SUOX: variants seen among roughly 807,000 people sequenced by gnomAD.
SUOX encodes the protein sulfite oxidase, mitochondrial.
SUOX carries 39 observed loss-of-function variants against 41.9 expected under a neutral mutation model. That is an observed-to-expected ratio of 0.93 (90% CI 0.72 to 1.21). SUOX has a LOEUF of 1.21. SUOX is among the 50% of genes most tolerant of loss of function. The probability of loss-of-function intolerance (pLI) is 0.00; values close to 1 mark genes in which losing one functional copy is unlikely to be tolerated. For synonymous variants in SUOX, 220 were observed against 268.4 expected (o/e 0.82, Z 1.76); for missense variants, 633 against 689.5 (o/e 0.92, Z 0.92).
intron 2 of SUOX, among the ~76,000 whole-genome samples, chr12:55,998,417 C>A (rs975932153): frequency 1.3e-5 from 2 of 151,200 alleles, no homozygotes; most frequent in African/African-American, 2.4e-5. Flanking sequence ...CATGGTGGCA[C>A]ACGCCTGTGG....
chr12:55,999,846 C>T (rs1222461661), intron 2 of SUOX, among the ~76,000 whole-genome samples: 1 of 152,154 alleles, frequency 6.6e-6, no homozygotes, highest in Non-Finnish European at 1.5e-5. Context: ...CACAAAGGTT[C>T]TCCACATCCC....
At position 56,004,021 on chromosome 12, in the gene SUOX, ACCCT is replaced by A; in HGVS notation, c.633_636del (p.Asn211LysfsTer23). 1.9e-6 allele frequency: 3 copies of A among 1,613,602 alleles called. No homozygotes were observed. The highest frequency in any genetic ancestry group is 1.7e-5 in the Admixed American group (1 of 59,950). The stretch of plus-strand genomic sequence containing the variant: ...CTGACAGAAAACTACATCACACCCA[ACCCT>A]ATCTTCTTCACCCGGAACCATCTGC... On this transcript the variant is annotated frameshift_variant, in exon 5 of 5. Coordinates refer to ENST00000266971, the MANE Select transcript of SUOX (RefSeq NM_001032386.2). LOFTEE classifies it high-confidence loss of function. This position sits in a 1 kb window ranked among gnomAD's most constrained non-coding sequence, Gnocchi z 4.5.
At position 56,002,420 on chromosome 12, in the gene SUOX, C is replaced by A. The variant is rs1008647634; in HGVS notation, c.51-123C>A. The A allele has an allele frequency of 4.6e-6, 7 of 1,515,372 alleles. No homozygotes were observed. The African/African-American group carries it at 8.2e-5, about 18-fold the overall frequency. The allele number at this position is 1,515,372 out of a possible 1,614,324, so 93.9% of individuals were successfully genotyped here. ...CAGATCCCACTTTTCCCACCTATCC[C>A]TGGAGAAACTAAGTTCCAACTTAAG... On this transcript the variant is annotated intron_variant, in intron 3 of 4. Transcript: ENST00000266971.
intron 2 of SUOX, among the ~76,000 whole-genome samples, chr12:55,999,014 A>G (rs1354229652): frequency 6.6e-6 from 1 of 150,584 alleles, no homozygotes; most frequent in Non-Finnish European, 1.5e-5. Flanking sequence ...CAGTCTCACT[A>G]TGTTGCCCAA....
Position 56,004,048 on chromosome 12 carries a change from T to C in SUOX, c.659T>C (p.Leu220Pro). Residue 220 changes from leucine to proline, a missense_variant, in exon 5 of 5, where the codon CTG becomes CCG. Physicochemically the swap from Leu to Pro is moderately conservative, Grantham distance 98. Transcript: ENST00000266971. The surrounding 1 kb of genome is among the most constrained non-coding windows in gnomAD (Gnocchi z 4.5). ...CCTATCTTCTTCACCCGGAACCATC[T>C]GCCTGTACCTAACCTGGATCCAGAC... ...PNPIFFTRNH[L>P]PVPNLDPDTY... 6.2e-7 allele frequency: 1 copy of C among 1,614,180 alleles called. No individual in the cohort carries two copies. Among genetic ancestry groups the C allele is most frequent in the South Asian group, 1.1e-5 (1 of 91,086 alleles).
Position 56,003,980 on chromosome 12 carries a change from G to A in SUOX, c.591G>A (p.Glu197=). 5 of 1,614,130 alleles carry A rather than the reference G, an allele frequency of 3.1e-6. No individual in the cohort carries two copies. The highest frequency in any genetic ancestry group is 4.2e-6 in the Non-Finnish European group (5 of 1,180,026). The change falls in exon 5 of 5, where the codon GAG becomes GAA. Residue 197 remains glutamate, a synonymous_variant. Coordinates refer to ENST00000266971, the MANE Select transcript of SUOX (RefSeq NM_001032386.2). ...ACAGCCAGCGGCCCTTTAATGCAGA[G>A]CCTCCCCCTGAGCTGCTGACAGAAA... is the stretch of plus-strand genomic sequence containing the variant. ...KVNSQRPFNA[E]PPPELLTENY... is the part of the protein sequence containing the mutation.
chr12:56,004,300 A>G lies in SUOX; in HGVS notation c.911A>G (p.Gln304Arg). 2 of 1,614,060 alleles carry G rather than the reference A, an allele frequency of 1.2e-6. No homozygotes were observed. The highest frequency in any genetic ancestry group is 8.5e-7 in the Non-Finnish European group (1 of 1,179,990). The change falls in exon 5 of 5, where the codon CAG becomes CGG. Residue 304 changes from glutamine to arginine, a missense_variant. Physicochemically the swap from Gln to Arg is conservative, Grantham distance 43. Coordinates refer to ENST00000266971, the MANE Select transcript of SUOX (RefSeq NM_001032386.2). This position sits in a 1 kb window ranked among gnomAD's most constrained non-coding sequence, Gnocchi z 4.5. Reference protein sequence around the residue: ...AGARLCDVLAQAGHQLCETEA... With the variant: ...AGARLCDVLARAGHQLCETEA... ...GCACGGCTCTGTGATGTGTTAGCCC[A>G]GGCTGGCCACCAACTCTGTGAAACT...
chr12:56,004,943 G>A lies in SUOX; in HGVS notation c.1554G>A (p.Gln518=), dbSNP rs1890690698. 6.2e-7 allele frequency: 1 copy of A among 1,614,068 alleles called. No individual in the cohort carries two copies. The highest frequency in any genetic ancestry group is 1.7e-5 in the Admixed American group (1 of 60,006). ...CKAVDDGYNV[Q]PDTVAPIWNL... is the part of the protein sequence containing the mutation. Reference sequence around the variant, plus strand: ...CTGTGGATGATGGTTACAATGTGCAGCCAGACACCGTGGCCCCAATCTGGA... The same window carrying A: ...CTGTGGATGATGGTTACAATGTGCAACCAGACACCGTGGCCCCAATCTGGA... Residue 518 remains glutamine (Q), a synonymous_variant, in exon 5 of 5, where the codon CAG becomes CAA. Coordinates refer to ENST00000266971, the MANE Select transcript of SUOX (RefSeq NM_001032386.2). This position sits in a 1 kb window ranked among gnomAD's most constrained non-coding sequence, Gnocchi z 4.5.
chr12:56,004,038 C>T lies in SUOX; in HGVS notation c.649C>T (p.Arg217Trp), dbSNP rs765738385. ...CACACCCAACCCTATCTTCTTCACC[C>T]GGAACCATCTGCCTGTACCTAACCT... is the stretch of plus-strand genomic sequence containing the variant. ...YITPNPIFFTRNHLPVPNLDP... is the reference protein window; with the variant it reads ...YITPNPIFFTWNHLPVPNLDP... The change falls in exon 5 of 5, where the codon CGG becomes TGG. Residue 217 changes from arginine to tryptophan, a missense_variant. Physicochemically the swap from Arg to Trp is moderately radical, Grantham distance 101. Transcript: ENST00000266971. This position sits in a 1 kb window ranked among gnomAD's most constrained non-coding sequence, Gnocchi z 4.5. 24 of 1,614,026 alleles carry T rather than the reference C, an allele frequency of 1.5e-5. No individual in the cohort carries two copies. The highest frequency in any genetic ancestry group is 4.0e-5 in the African/African-American group (3 of 74,912).
chr12:56,002,816 C>A, intron 4 of SUOX, 96 bp downstream of exon 4: 1 of 1,486,496 alleles, frequency 6.7e-7, no homozygotes, highest in Non-Finnish European at 9.3e-7. Flanking sequence ...GGGTGGGTCA[C>A]TTGAGGTTAG....
Position 56,004,918 on chromosome 12 carries a change from C to T in SUOX, c.1529C>T (p.Ala510Val). The T allele has an allele frequency of 6.2e-7, 1 of 1,614,184 alleles. No homozygotes were observed. Among genetic ancestry groups the T allele is most frequent in the South Asian group, 1.1e-5 (1 of 91,084 alleles). Residue 510 changes from alanine to valine, a missense_variant, in exon 5 of 5, where the codon GCT becomes GTT. Ala to Val is a moderately conservative substitution (Grantham distance 64). Transcript: ENST00000266971. The surrounding 1 kb of genome is among the most constrained non-coding windows in gnomAD (Gnocchi z 4.5). The part of the protein sequence containing the change: ...GQKELNIVCK[A>V]VDDGYNVQPD... ...AAGGAACTGAACATTGTTTGTAAGG[C>T]TGTGGATGATGGTTACAATGTGCAG...
In SUOX at chr12:56,004,075, C is replaced by T; in HGVS notation, c.686C>T (p.Thr229Ile). The part of the protein sequence containing the change: ...HLPVPNLDPD[T>I]YRLHVVGAPG... The stretch of plus-strand genomic sequence containing the variant: ...CCTGTACCTAACCTGGATCCAGACA[C>T]CTATCGCTTACACGTAGTAGGAGCA... The change falls in exon 5 of 5, where the codon ACC (threonine) becomes ATC (isoleucine). Residue 229 changes from threonine (T) to isoleucine (I), a missense_variant. Coordinates refer to ENST00000266971, the MANE Select transcript of SUOX (RefSeq NM_001032386.2). This position sits in a 1 kb window ranked among gnomAD's most constrained non-coding sequence, Gnocchi z 4.5. The T allele has an allele frequency of 6.2e-7, 1 of 1,614,158 alleles. No homozygotes were observed. The highest frequency in any genetic ancestry group is 8.5e-7 in the Non-Finnish European group (1 of 1,180,028).
Position 56,004,563 on chromosome 12 carries a change from T to A in SUOX, c.1174T>A (p.Tyr392Asn). The A allele has an allele frequency of 1.2e-6, 2 of 1,614,188 alleles. No individual in the cohort carries two copies. The highest frequency in any genetic ancestry group is 1.7e-6 in the Non-Finnish European group (2 of 1,180,022). ...GRVSVQPEES[Y>N]SHWQRRDYKG... ...AGTGAGTGTGCAGCCAGAGGAAAGT[T>A]ACAGCCACTGGCAACGGCGGGATTA... is the stretch of plus-strand genomic sequence containing the variant. The change falls in exon 5 of 5, where the codon TAC becomes AAC. Residue 392 changes from tyrosine to asparagine, a missense_variant. Transcript: ENST00000266971. The surrounding 1 kb of genome is among the most constrained non-coding windows in gnomAD (Gnocchi z 4.5).
intron 2 of SUOX, among the ~76,000 whole-genome samples, chr12:56,000,731 C>T (rs1036379186): frequency 1.1e-4 from 16 of 152,194 alleles, no homozygotes; most frequent in African/African-American, 3.6e-4. Flanking sequence ...GGGTGAGCCA[C>T]CACACCCAGC....
At position 56,002,553 on chromosome 12, in the gene SUOX, A is replaced by G. The variant is rs755068062; in HGVS notation, c.61A>G (p.Ile21Val). The change falls in exon 4 of 5, where the codon ATC becomes GTC. Residue 21 changes from isoleucine (I) to valine (V), a missense_variant. Physicochemically the swap from Ile to Val is conservative, Grantham distance 29 (BLOSUM62 3). Transcript: ENST00000266971. ...RLQQACRLKS[I>V]PSRICIQACS... is the part of the protein sequence containing the mutation. ...CGACCTCTCTTCCAGACTCAAGTCAATCCCCTCAAGGATCTGCATTCAGGC... is the reference window on the plus strand; with the variant it reads ...CGACCTCTCTTCCAGACTCAAGTCAGTCCCCTCAAGGATCTGCATTCAGGC... The G allele has an allele frequency of 2.8e-5, 45 of 1,614,050 alleles. No homozygotes were observed. Among genetic ancestry groups the G allele is most frequent in the East Asian group, 4.5e-5 (2 of 44,898 alleles).
intron 4 of SUOX, 104 bp downstream of exon 4, chr12:56,002,824 T>C (rs747504267): frequency 7.0e-6 from 10 of 1,420,216 alleles, no homozygotes; most frequent in South Asian, 6.0e-5. Context: ...CACTTGAGGT[T>C]AGGAGTTTGA....
At chr12:56,001,262 T>C (rs556224708) in intron 2 of SUOX, 2 of 151,410 alleles carry the variant, frequency 1.3e-5, no homozygotes, top group Non-Finnish European at 2.9e-5. Context: ...GTAGCTGGGG[T>C]TACAGGCACG....
Position 55,999,056 on chromosome 12 carries a change from C to G in SUOX, c.-11+1333C>G, listed in dbSNP as rs550556012. Among the ~76,000 whole-genome samples the G allele has an allele frequency of 6.2e-4, 95 of 152,080 alleles. 1 individual carries two copies. The highest frequency in any genetic ancestry group is 2.1e-3 in the African/African-American group (87 of 41,502). ...CTTGAACTCCTGGAGTCAAGTGATC[C>G]TCCTTCCTTGGCCTCCCAAAATTTT... On this transcript the variant is annotated intron_variant, in intron 2 of 4. Coordinates refer to ENST00000266971, the MANE Select transcript of SUOX (RefSeq NM_001032386.2).
Position 56,002,280 on chromosome 12 carries a change from GC to G in SUOX, c.50+12del, listed in dbSNP as rs761969083. ...CTCCAACAGGCCTGCAGGTAGGCCA[GC>G]CCATCCCAGGACTTGCCTCCTAGCC... On this transcript the variant is annotated intron_variant, in intron 3 of 4. Coordinates refer to ENST00000266971, the MANE Select transcript of SUOX (RefSeq NM_001032386.2). 2 of 1,610,534 alleles carry G rather than the reference GC, an allele frequency of 1.2e-6. No individual in the cohort carries two copies. The highest frequency in any genetic ancestry group is 1.7e-5 in the Admixed American group (1 of 60,024).
Sources: allele counts gnomAD v4.1 joint callset (sites outside exome capture counted in the v4.1 genomes callset), GRCh38; gene constraint gnomAD v4.1.1; non-coding constraint Gnocchi (gnomAD v3.1); transcripts MANE v1.5; gene names NCBI Gene and HGNC (gene_info 2026-07-23, HGNC 2026-07-21).